The following CREM variants were observed in gnomAD, a reference collection of about 807,000 sequenced individuals.
CREM encodes the protein cAMP-responsive element modulator.
In CREM, 13 loss-of-function variants were observed where a neutral mutation model predicts 37.3. That is an observed-to-expected ratio of 0.35 (90% CI 0.23 to 0.55). The LOEUF (loss-of-function observed/expected upper bound fraction) is 0.55. Among genes scored for constraint, CREM ranks in the 20% least tolerant of loss-of-function variants. The pLI is 0.88. For missense variants in CREM, 296 were observed against 362.3 expected (o/e 0.82, Z 1.49); for synonymous variants, 124 against 120.2 (o/e 1.03, Z -0.21).
intron 1 of CREM, among the ~76,000 whole-genome samples, chr10:35,131,556 T>C (rs2089387060): frequency 1.3e-5 from 2 of 152,186 alleles, no homozygotes; most frequent in South Asian, 2.1e-4. Context: ...GTATCACACA[T>C]AAAGACCCAC....
intron 3 of CREM, among the ~76,000 whole-genome samples, chr10:35,159,595 A>G (rs1237350698): frequency 6.6e-6 from 1 of 152,220 alleles, no homozygotes; most frequent in African/African-American, 2.4e-5. Flanking sequence ...TGGATTAAAT[A>G]TAAGACCCAA....
At chr10:35,189,597 C>T (rs1163511218) in intron 6 of CREM, among the ~76,000 whole-genome samples, 4 of 152,004 alleles carry the variant, frequency 2.6e-5, no homozygotes, top group Non-Finnish European at 4.4e-5. Context: ...CTCACTGCGA[C>T]CTCCGCCTCC....
chr10:35,175,849 G>T, intron 3 of CREM: 1 of 1,586,614 alleles, frequency 6.3e-7, no homozygotes, highest in East Asian at 2.4e-5. Context: ...GATCATTTTG[G>T]CAGGTTTCTG....
At position 35,178,942 on chromosome 10, in the gene CREM, T is replaced by G. The variant is rs1279992938; in HGVS notation, c.222T>G (p.Asp74Glu). ...DESAESEGVIDSHKRREILSR... is the reference protein window; with the variant it reads ...DESAESEGVIESHKRREILSR... ...CTGCAGAATCAGAAGGTGTAATTGATTCTCATAAACGTAGAGAAATCCTTT... is the reference window on the plus strand; with the variant it reads ...CTGCAGAATCAGAAGGTGTAATTGAGTCTCATAAACGTAGAGAAATCCTTT... Residue 74 changes from aspartate to glutamate, a missense_variant, in exon 4 of 8, where the codon GAT becomes GAG. By Grantham distance (45) the Asp-to-Glu change is conservative (BLOSUM62 2). This residue lies in a region of CREM where 257 missense variants were observed against 280.2 expected (regional missense o/e 0.92). Transcript: ENST00000685392. The G allele has an allele frequency of 1.9e-6, 3 of 1,613,690 alleles. No individual in the cohort carries two copies. The highest frequency in any genetic ancestry group is 2.5e-6 in the Non-Finnish European group (3 of 1,179,874).
intron 3 of CREM, chr10:35,167,580 CTG>C (rs1389558944): frequency 5.5e-6 from 4 of 724,832 alleles, no homozygotes; most frequent in South Asian, 1.8e-5. Context: ...TAATCAAATG[CTG>C]TGTTACAACA....
At chr10:35,143,831 T>TCA (rs1429224657) in intron 2 of CREM, among the ~76,000 whole-genome samples, 6 of 151,794 alleles carry the variant, frequency 4.0e-5, no homozygotes, top group Non-Finnish European at 7.4e-5. Flanking sequence ...CTGACCTTGA[T>TCA]TGGGTGTGGG....
rs2095276617 is a variant in CREM at position 35,198,321 on chromosome 10, A to G, written c.599-8574A>G. ...GGGCGGATCACAACCTCAGGAGTTC[A>G]AGACCAGCCTGGCCAACATGGTGAA... is the stretch of plus-strand genomic sequence containing the variant. On this transcript the variant is annotated intron_variant, in intron 6 of 7. Coordinates refer to ENST00000685392, the MANE Select transcript of CREM (RefSeq NM_183011.2). Among the ~76,000 whole-genome samples the G allele has an allele frequency of 3.9e-5, 6 of 152,090 alleles. No individual in the cohort carries two copies. In the South Asian group the frequency reaches 6.2e-4, roughly 16 times the overall value.
At chr10:35,152,031 G>C (rs1406084891) in intron 3 of CREM, among the ~76,000 whole-genome samples, 4 of 152,124 alleles carry the variant, frequency 2.6e-5, no homozygotes, top group Admixed American at 2.6e-4. Flanking sequence ...ATTTCTGATG[G>C]CTTCATATTT....
rs190161544 is a variant in CREM, at chr10:35,204,645, A to C, written c.599-2250A>C. Among the ~76,000 whole-genome samples the C allele has an allele frequency of 6.3e-3, 958 of 152,128 alleles. 4 individuals are homozygous for C. Among genetic ancestry groups the C allele is most frequent in the Non-Finnish European group, 8.8e-3 (600 of 67,986 alleles). ...AATTATTCCCTATCACCAATGTTTT[A>C]AAATTACATGTAGAAGGAAAAGGCA... is the stretch of plus-strand genomic sequence containing the variant. On this transcript the variant is annotated intron_variant, in intron 6 of 7. Transcript: ENST00000685392.
intron 2 of CREM, among the ~76,000 whole-genome samples, chr10:35,141,223 A>G (rs1244919821): frequency 1.3e-5 from 2 of 152,252 alleles, no homozygotes; most frequent in African/African-American, 4.8e-5. Flanking sequence ...CACTTACCAC[A>G]TGGTAAACTC....
intron 3 of CREM, among the ~76,000 whole-genome samples, chr10:35,176,848 C>T (rs1008710843): frequency 3.9e-5 from 6 of 152,140 alleles, no homozygotes; most frequent in African/African-American, 1.2e-4. Flanking sequence ...GTATCCCTCT[C>T]GATTAAACCT....
At chr10:35,138,371 T>A (rs1455283880) in intron 2 of CREM, among the ~76,000 whole-genome samples, 1 of 152,244 alleles carries the variant, frequency 6.6e-6, no homozygotes, top group African/African-American at 2.4e-5. Flanking sequence ...TTTCCACTTT[T>A]TGTAAAGTTA....
At chr10:35,185,627 T>C (rs1001613917) in intron 5 of CREM, among the ~76,000 whole-genome samples, 3 of 152,228 alleles carry the variant, frequency 2.0e-5, no homozygotes, top group Non-Finnish European at 4.4e-5. Flanking sequence ...CAAACCCTTT[T>C]ACTATGAGGG....
At chr10:35,173,015 C>G (rs543458486) in intron 3 of CREM, among the ~76,000 whole-genome samples, 1 of 152,176 alleles carries the variant, frequency 6.6e-6, no homozygotes, top group Admixed American at 6.5e-5. Flanking sequence ...GTTTTCTGAT[C>G]AAACTGGTTA....
intron 3 of CREM, among the ~76,000 whole-genome samples, chr10:35,170,335 C>G (rs527794389): frequency 2.6e-4 from 39 of 152,234 alleles, no homozygotes; most frequent in African/African-American, 8.7e-4. Context: ...CATCGATGTT[C>G]ATCAGGGATA....
At chr10:35,187,606 GTAGT>G (rs1054247995) in intron 5 of CREM, among the ~76,000 whole-genome samples, 10 of 152,098 alleles carry the variant, frequency 6.6e-5, no homozygotes, top group African/African-American at 1.9e-4. Context: ...AATCAGAAAA[GTAGT>G]TAGCTGAATG....
chr10:35,129,514 C>G (rs1383743165), intron 1 of CREM, among the ~76,000 whole-genome samples: 1 of 152,170 alleles, frequency 6.6e-6, no homozygotes, highest in African/African-American at 2.4e-5. Flanking sequence ...ACATATATTT[C>G]TGATCCTTTT....
In CREM at chr10:35,149,938, A is replaced by ACACACACACACACACC. The variant is rs796295851; in HGVS notation, c.168+1448_168+1449insACACACACACACACCC. Among the ~76,000 whole-genome samples the ACACACACACACACACC allele has an allele frequency of 7.8e-4, 113 of 145,518 alleles. 1 individual carries two copies. The highest frequency in any genetic ancestry group is 5.2e-3 in the Admixed American group (75 of 14,422). ...CACACACACACACACACACACACAC[A>ACACACACACACACACC]CCCTTGTTAAAAAAAATGCATGTTC... On this transcript the variant is annotated intron_variant, in intron 3 of 7. Coordinates refer to ENST00000685392, the MANE Select transcript of CREM (RefSeq NM_183011.2).
chr10:35,176,017 A>T (rs1471800969), intron 3 of CREM: 6 of 1,541,870 alleles, frequency 3.9e-6, no homozygotes, highest in African/African-American at 1.4e-5. Flanking sequence ...TCCTTCCTGA[A>T]TGGTTTTGTC....
Sources: gnomAD v4.1 joint callset for allele counts (sites outside exome capture counted in the v4.1 genomes callset) on GRCh38, gnomAD v4.1.1 for gene constraint, gnomAD v4.1.1 regional missense constraint, MANE v1.5 for transcripts, NCBI Gene and HGNC (gene_info 2026-07-23, HGNC 2026-07-21) for gene names.